Variants in TTC7A observed in about 807,000 individuals in gnomAD.
TTC7A encodes tetratricopeptide repeat domain 7A.
In TTC7A, 110 loss-of-function variants were observed where a neutral mutation model predicts 103.7. That is an observed-to-expected ratio of 1.06 (90% confidence interval 0.91 to 1.24). The LOEUF is 1.24. Ranked by LOEUF, TTC7A falls within the 50% of genes most tolerant of loss-of-function variation. The pLI is 0.00. For synonymous variants in TTC7A, 521 were observed against 467.9 expected (o/e 1.11, Z -1.47); for missense variants, 1,340 against 1,116.3 (o/e 1.20, Z -2.86).
rs144236327 is a variant in TTC7A, at chr2:46,990,639, T to C, written c.765-2811T>C. The stretch of plus-strand genomic sequence containing the variant: ...ATGCCTGAGTGTGCTTGGGGCCACA[T>C]GTATGTCATCTTCCTAACAGGACTA... On this transcript the variant is annotated intron_variant, in intron 5 of 19. Coordinates refer to ENST00000319190, the MANE Select transcript of TTC7A (RefSeq NM_020458.4). Among the ~76,000 whole-genome samples the C allele has an allele frequency of 7.9e-3, 1,206 of 152,258 alleles. 11 individuals carry two copies. Among genetic ancestry groups the C allele is most frequent in the African/African-American group, 0.028 (1,144 of 41,548 alleles).
intron 2 of TTC7A, among the ~76,000 whole-genome samples, chr2:46,935,588 C>T (rs1189995797): frequency 6.6e-6 from 1 of 152,142 alleles, no homozygotes; most frequent in Non-Finnish European, 1.5e-5. Context: ...TGCTGTCACC[C>T]AAATGTGTAC....
chr2:47,056,779 G>A (rs1381473930), intron 18 of TTC7A, among the ~76,000 whole-genome samples: 1 of 152,210 alleles, frequency 6.6e-6, no homozygotes, highest in African/African-American at 2.4e-5. Flanking sequence ...AAGAGAAGAG[G>A]TCAGGGGGTA....
chr2:46,948,845 A>G (rs551656177), intron 1 of TTC7A, among the ~76,000 whole-genome samples: 1 of 152,208 alleles, frequency 6.6e-6, no homozygotes, highest in Non-Finnish European at 1.5e-5. Flanking sequence ...AGCCCTGTAG[A>G]TCTGAGAACA....
At position 47,074,878 on chromosome 2, in the gene TTC7A, C is replaced by T. The variant is rs991012804; in HGVS notation, c.*955C>T. 2.4e-4 allele frequency: 36 copies of T among 152,246 alleles called. No homozygotes were observed. The highest frequency in any genetic ancestry group is 8.0e-4 in the African/African-American group (33 of 41,422). 9.4% of individuals were successfully genotyped at this position (152,246 alleles called of 1,614,324 possible). A position where few individuals can be genotyped will look rare whatever the true frequency, so the allele number is the denominator to read the frequency against. On this transcript the variant is annotated 3_prime_UTR_variant, in exon 20 of 20. Coordinates refer to ENST00000319190, the MANE Select transcript of TTC7A (RefSeq NM_020458.4). ...CTCTGTGTCCATGACACCTGTCTTC[C>T]GGGCCTGGGGGCTGTGGGTGTATGT... is the stretch of plus-strand genomic sequence containing the variant.
chr2:46,941,509 G>A lies in TTC7A; in HGVS notation c.-33G>A. 6.5e-7 allele frequency: 1 copy of A among 1,547,240 alleles called. No homozygotes were observed. Among genetic ancestry groups the A allele is most frequent in the Non-Finnish European group, 8.7e-7 (1 of 1,145,798 alleles). ...GCCCCCGGCCGGGTCTCCACTTCTT[G>A]GCCGCACCTTCCATGACAGCGCCCG... On this transcript the variant is annotated 5_prime_UTR_variant, in exon 1 of 20. Coordinates refer to ENST00000319190, the MANE Select transcript of TTC7A (RefSeq NM_020458.4). This position sits in a 1 kb window ranked among gnomAD's most constrained non-coding sequence, Gnocchi z 4.2.
intron 5 of TTC7A, among the ~76,000 whole-genome samples, chr2:46,979,195 G>A (rs1674182524): frequency 6.6e-6 from 1 of 152,182 alleles, no homozygotes; most frequent in Admixed American, 6.5e-5. Context: ...GGGGAGGGTG[G>A]AGGGCATCTG....
intron 5 of TTC7A, among the ~76,000 whole-genome samples, chr2:46,984,211 T>A (rs1674771697): frequency 6.6e-6 from 1 of 152,264 alleles, no homozygotes; most frequent in Non-Finnish European, 1.5e-5. Context: ...GGCGGTCTTA[T>A]CTGATAGGCT....
In TTC7A at chr2:46,941,941, G is replaced by T. The variant is rs1308685922; in HGVS notation, c.184+216G>T. On this transcript the variant is annotated intron_variant, in intron 1 of 19. Coordinates refer to ENST00000319190, the MANE Select transcript of TTC7A (RefSeq NM_020458.4). This position sits in a 1 kb window ranked among gnomAD's most constrained non-coding sequence, Gnocchi z 4.2. ...CTTGGAGGGAAGAGAAACGGCTTTTGCTCTGTGTCCTTTAGGATAATGTGG... is the reference window on the plus strand; with the variant it reads ...CTTGGAGGGAAGAGAAACGGCTTTTTCTCTGTGTCCTTTAGGATAATGTGG... The T allele has an allele frequency of 1.6e-6, 1 of 621,690 alleles. No homozygotes were observed. The highest frequency in any genetic ancestry group is 2.8e-6 in the Non-Finnish European group (1 of 354,290). 38.5% of individuals were successfully genotyped at this position (621,690 alleles called of 1,614,324 possible).
intron 5 of TTC7A, among the ~76,000 whole-genome samples, chr2:46,987,809 C>CGTGGGTGT (rs1675178407): frequency 6.9e-6 from 1 of 144,552 alleles, no homozygotes; most frequent in Non-Finnish European, 1.5e-5. Flanking sequence ...CCTTTCCGCG[C>CGTGGGTGT]GTGTGTGTGT....
intron 5 of TTC7A, among the ~76,000 whole-genome samples, chr2:46,987,805 C>CGT (rs1491245858): frequency 7.2e-4 from 74 of 103,028 alleles, no homozygotes; most frequent in South Asian, 9.4e-4. Context: ...TGTCCCTTTC[C>CGT]GCGCGTGTGT....
chr2:46,971,389 C>T (rs78121772), intron 3 of TTC7A, among the ~76,000 whole-genome samples: 2,177 of 152,184 alleles, frequency 0.014, 56 homozygotes, highest in African/African-American at 0.05. Flanking sequence ...ACAACTTGAG[C>T]AAGTCAAGAA....
chr2:46,934,857 G>A (rs990896072), intron 2 of TTC7A, among the ~76,000 whole-genome samples: 22 of 136,300 alleles, frequency 1.6e-4, no homozygotes, highest in African/African-American at 5.9e-4. Flanking sequence ...CTGGAGTGCA[G>A]TGGCATGATC....
In TTC7A at chr2:46,975,029, A is replaced by G. The variant is rs777004024; in HGVS notation, c.574A>G (p.Arg192Gly). Residue 192 changes from arginine to glycine, a missense_variant, in exon 4 of 20, where the codon AGG (arginine) becomes GGG (glycine). Transcript: ENST00000319190. ...CGCCTCCCGCTTCCGCCTGACAGAG[A>G]GGGAGGAGGAAGTGATCACCTGTTT... ...SIASRFRLTE[R>G]EEEVITCFER... 2 of 1,613,970 alleles carry G rather than the reference A, an allele frequency of 1.2e-6. No homozygotes were observed. The highest frequency in any genetic ancestry group is 1.7e-6 in the Non-Finnish European group (2 of 1,179,922).
At chr2:47,061,887 C>G (rs1683810940) in intron 19 of TTC7A, among the ~76,000 whole-genome samples, 1 of 152,176 alleles carries the variant, frequency 6.6e-6, no homozygotes, top group African/African-American at 2.4e-5. Context: ...GAAGGATAAT[C>G]TAGGAGCCCA....
chr2:47,045,867 T>C (rs1682258976), intron 15 of TTC7A, among the ~76,000 whole-genome samples: 1 of 152,194 alleles, frequency 6.6e-6, no homozygotes, highest in South Asian at 2.1e-4. Flanking sequence ...TCTAAGTCAC[T>C]GTCTGGATGG....
At chr2:46,975,655 A>G (rs1673809213) in intron 4 of TTC7A, among the ~76,000 whole-genome samples, 1 of 151,798 alleles carries the variant, frequency 6.6e-6, no homozygotes, top group South Asian at 2.1e-4. Context: ...TAAGTATCCC[A>G]GCCCTCCCCC....
In TTC7A at chr2:46,994,496, A is replaced by C. The variant is rs780995745; in HGVS notation, c.983A>C (p.His328Pro). ...GCCACTCAGGCCCTGCGGAAACCTC[A>C]CCTCTATGAAGGAGACAAGTAAGTT... is the stretch of plus-strand genomic sequence containing the variant. ...SFATQALRKPHLYEGDNLYCP... is the reference protein window; with the variant it reads ...SFATQALRKPPLYEGDNLYCP... Residue 328 changes from histidine to proline, a missense_variant, in exon 7 of 20, where the codon CAC (histidine) becomes CCC (proline). His to Pro is a moderately conservative substitution (Grantham distance 77, BLOSUM62 -2). Transcript: ENST00000319190. 1 of 1,613,746 alleles carries C rather than the reference A, an allele frequency of 6.2e-7. No individual in the cohort carries two copies. The highest frequency in any genetic ancestry group is 1.3e-5 in the African/African-American group (1 of 74,916).
chr2:47,009,133 G>T (rs1022079239), intron 10 of TTC7A, among the ~76,000 whole-genome samples: 9 of 151,742 alleles, frequency 5.9e-5, no homozygotes, highest in Non-Finnish European at 7.4e-5. Context: ...GAGGGACTTG[G>T]AGTGGTGTTC....
Position 47,001,180 on chromosome 2 carries a change from CCTTCT to C in TTC7A, c.1066-4738_1066-4734del, listed in dbSNP as rs1352306337. ...CATGCTCCACATGGTAGTTTCCTTT[CCTTCT>C]CTTAGACTGGAGCCCTGTTTATGTC... On this transcript the variant is annotated intron_variant, in intron 8 of 19. Transcript: ENST00000319190. Among the ~76,000 whole-genome samples the C allele has an allele frequency of 3.3e-5, 5 of 152,288 alleles. No individual in the cohort carries two copies. In the East Asian group the frequency reaches 9.6e-4, roughly 29 times the overall value.
Sources: gnomAD v4.1 joint callset for allele counts (sites outside exome capture counted in the v4.1 genomes callset) on GRCh38, gnomAD v4.1.1 for gene constraint, Gnocchi (gnomAD v3.1) non-coding constraint, MANE v1.5 for transcripts, NCBI Gene and HGNC (gene_info 2026-07-23, HGNC 2026-07-21) for gene names.